Variants in SLC18B1 observed in about 807,000 individuals in gnomAD.
SLC18B1 encodes MFS-type transporter SLC18B1.
SLC18B1 carries 62 observed loss-of-function variants against 53.9 expected under a neutral mutation model. That is an observed-to-expected ratio of 1.15 (90% CI 0.94 to 1.42). The LOEUF (loss-of-function observed/expected upper bound fraction) is 1.42, where lower values mean the gene tolerates loss of function less well. SLC18B1 is among the 40% of genes most tolerant of loss of function. The probability of loss-of-function intolerance (pLI) is 0.00; values close to 1 mark genes in which losing one functional copy is unlikely to be tolerated. For missense variants in SLC18B1, 598 were observed against 547.3 expected (o/e 1.09, Z -0.93); for synonymous variants, 217 against 200.9 (o/e 1.08, Z -0.68).
intron 2 of SLC18B1, among the ~76,000 whole-genome samples, chr6:132,792,538 G>A (rs1033243923): frequency 4.6e-5 from 7 of 152,004 alleles, no homozygotes; most frequent in African/African-American, 1.5e-4. Flanking sequence ...CCCTCATTAT[G>A]AGCCAGAATC....
At chr6:132,791,859 G>A (rs976905676) in intron 2 of SLC18B1, among the ~76,000 whole-genome samples, 1 of 152,092 alleles carries the variant, frequency 6.6e-6, no homozygotes, top group African/African-American at 2.4e-5. Context: ...TGGAACATGA[G>A]GTCTACATTT....
intron 9 of SLC18B1, among the ~76,000 whole-genome samples, chr6:132,773,749 T>C (rs1781035965): frequency 6.6e-6 from 1 of 152,132 alleles, no homozygotes. Flanking sequence ...TGAAAAGGTC[T>C]AAGAAGTTCA....
chr6:132,797,022 A>C lies in SLC18B1; in HGVS notation c.143T>G (p.Met48Arg), dbSNP rs1043014999. ...CGGTCCAAGTATAGAATAGCACATC[A>C]TGGAACCTAAGTTCACCGAAGCTGC... ...ISAASVNLGSMMCYSILGPFF... is the reference protein window; with the variant it reads ...ISAASVNLGSRMCYSILGPFF... The change falls in exon 2 of 14, where the codon ATG becomes AGG. Residue 48 changes from methionine to arginine, a missense_variant. Met to Arg is a moderately conservative substitution (Grantham distance 91). Transcript: ENST00000275227. 14 of 1,614,110 alleles carry C rather than the reference A, an allele frequency of 8.7e-6. No individual in the cohort carries two copies. The highest frequency in any genetic ancestry group is 1.2e-5 in the Non-Finnish European group (14 of 1,180,038).
chr6:132,772,210 CAAA>C lies in SLC18B1; in HGVS notation c.1086-7_1086-5del. On this transcript the variant is annotated splice_polypyrimidine_tract_variant and splice_region_variant and intron_variant, in intron 10 of 13. Transcript: ENST00000275227. ...TCCCTCTTCAAACCCATTTTCACTG[CAAA>C]AAGAGACATGAGTGTATCCATTATT... 6.5e-7 allele frequency: 1 copy of C among 1,548,554 alleles called. No homozygotes were observed. Among genetic ancestry groups the C allele is most frequent in the South Asian group, 1.3e-5 (1 of 79,434 alleles).
intron 2 of SLC18B1, among the ~76,000 whole-genome samples, chr6:132,792,530 C>G (rs1781577537): frequency 6.6e-6 from 1 of 151,936 alleles, no homozygotes; most frequent in Admixed American, 6.6e-5. Flanking sequence ...TTATTAGACC[C>G]TCATTATGAG....
intron 7 of SLC18B1, among the ~76,000 whole-genome samples, chr6:132,777,859 G>A (rs1206846452): frequency 6.6e-6 from 1 of 152,202 alleles, no homozygotes; most frequent in Non-Finnish European, 1.5e-5. Context: ...TGATCTAAAT[G>A]GACTGTGTCA....
At position 132,776,419 on chromosome 6, in the gene SLC18B1, G is replaced by T; in HGVS notation, c.806C>A (p.Pro269Gln). Residue 269 changes from proline (P) to glutamine (Q), a missense_variant, in exon 8 of 14, where the codon CCA becomes CAA. Transcript: ENST00000275227. Reference protein sequence around the residue: ...SLFVLEKFNLPAGYVGLVFLG... With the variant: ...SLFVLEKFNLQAGYVGLVFLG... ...GAATACTAGTCCCACATATCCAGCTGGTAAATTGAACTGTAAAAGAAATCC... is the reference window on the plus strand; with the variant it reads ...GAATACTAGTCCCACATATCCAGCTTGTAAATTGAACTGTAAAAGAAATCC... 1 of 1,611,544 alleles carries T rather than the reference G, an allele frequency of 6.2e-7. No homozygotes were observed. Among genetic ancestry groups the T allele is most frequent in the Non-Finnish European group, 8.5e-7 (1 of 1,178,684 alleles).
At position 132,770,299 on chromosome 6, in the gene SLC18B1, G is replaced by A. The variant is rs147790535; in HGVS notation, c.1342C>T (p.Arg448Ter). The A allele has an allele frequency of 1.1e-5, 18 of 1,613,748 alleles. No homozygotes were observed. The highest frequency in any genetic ancestry group is 9.9e-5 in the South Asian group (9 of 91,080). The change falls in exon 14 of 14, where the codon CGA becomes TGA. Residue 448 changes from arginine to a stop codon, truncating the protein, a stop_gained. Coordinates refer to ENST00000275227, the MANE Select transcript of SLC18B1 (RefSeq NM_052831.3). LOFTEE classifies it high-confidence loss of function. The part of the protein sequence containing the change: ...SQNILSTEEE[R>*]TTLLPNET The stretch of plus-strand genomic sequence containing the variant: ...GTTTCATTAGGCAAGAGAGTAGTTC[G>A]TTCCTCCTCTGTGCTGAGGATGTTT...
Position 132,787,440 on chromosome 6 carries a change from C to G in SLC18B1, c.495G>C (p.Thr165=). 1 of 1,593,468 alleles carries G rather than the reference C, an allele frequency of 6.3e-7. No homozygotes were observed. Among genetic ancestry groups the G allele is most frequent in the Non-Finnish European group, 8.5e-7 (1 of 1,173,348 alleles). The part of the protein sequence containing the change: ...LAKAFPNNVA[T]VLGSLETFSG... ...ATACTTCTAAAATACATACCAATACCGTAGCCACGTTATTTGGAAAAGCCT... is the reference window on the plus strand; with the variant it reads ...ATACTTCTAAAATACATACCAATACGGTAGCCACGTTATTTGGAAAAGCCT... The change falls in exon 5 of 14, where the codon ACG becomes ACC. Residue 165 remains threonine (T), a synonymous_variant. Transcript: ENST00000275227.
Position 132,771,135 on chromosome 6 carries a change from A to C in SLC18B1, c.1161-6T>G. ...GCGTTGGTCCCATAAAAGCACTAACAATAGAAAGAAGAAAAAGTATTCAAT... is the reference window on the plus strand; with the variant it reads ...GCGTTGGTCCCATAAAAGCACTAACCATAGAAAGAAGAAAAAGTATTCAAT... On this transcript the variant is annotated splice_polypyrimidine_tract_variant and splice_region_variant and intron_variant, in intron 11 of 13. Coordinates refer to ENST00000275227, the MANE Select transcript of SLC18B1 (RefSeq NM_052831.3). 1.2e-6 allele frequency: 2 copies of C among 1,611,694 alleles called. No homozygotes were observed. Among genetic ancestry groups the C allele is most frequent in the South Asian group, 2.2e-5 (2 of 90,366 alleles).
rs909674845 is a variant in SLC18B1 at position 132,770,134 on chromosome 6, C to T, written c.*136G>A. On this transcript the variant is annotated 3_prime_UTR_variant, in exon 14 of 14. Transcript: ENST00000275227. ...AGCCCAATACAGGATCATCCAAAAA[C>T]ACGTTGACACTTCCAAGACACTGGC... is the stretch of plus-strand genomic sequence containing the variant. The T allele has an allele frequency of 6.8e-5, 46 of 679,080 alleles. No homozygotes were observed. Among genetic ancestry groups the T allele is most frequent in the Non-Finnish European group, 3.6e-5 (14 of 385,640 alleles). 42.1% of individuals were successfully genotyped at this position (679,080 alleles called of 1,614,324 possible). A position where few individuals can be genotyped will look rare whatever the true frequency, so the allele number is the denominator to read the frequency against.
At position 132,778,109 on chromosome 6, in the gene SLC18B1, G is replaced by T. The variant is rs576223024; in HGVS notation, c.795+1159C>A. Among the ~76,000 whole-genome samples the T allele has an allele frequency of 1.0e-3, 158 of 152,216 alleles. 1 individual carries two copies. The highest frequency in any genetic ancestry group is 3.7e-3 in the African/African-American group (153 of 41,488). On this transcript the variant is annotated intron_variant, in intron 7 of 13. Transcript: ENST00000275227. The stretch of plus-strand genomic sequence containing the variant: ...CGGGCAGGGGCGAGGGACACAAGGT[G>T]CAGGGTGGGGAATATCATAAGACTC...
At chr6:132,773,341 C>T (rs1272960529) in intron 9 of SLC18B1, among the ~76,000 whole-genome samples, 1 of 152,126 alleles carries the variant, frequency 6.6e-6, no homozygotes, top group East Asian at 1.9e-4. Flanking sequence ...TTTGGTTACA[C>T]ATATCACATA....
chr6:132,774,147 C>G, intron 9 of SLC18B1, 75 bp downstream of exon 9: 1 of 1,008,842 alleles, frequency 9.9e-7, no homozygotes, highest in South Asian at 1.7e-5. Context: ...TAAACTATAC[C>G]AATGTTAAAA....
intron 6 of SLC18B1, among the ~76,000 whole-genome samples, chr6:132,780,554 C>G (rs938441363): frequency 7.4e-5 from 11 of 148,374 alleles, no homozygotes; most frequent in African/African-American, 2.7e-4. Flanking sequence ...AAAAGTTAAA[C>G]CGTGGTGTTA....
chr6:132,788,839 A>AC (rs1445334905), intron 4 of SLC18B1, among the ~76,000 whole-genome samples: 2 of 150,898 alleles, frequency 1.3e-5, no homozygotes, highest in African/African-American at 4.9e-5. Context: ...AAAAAAAAAA[A>AC]AAAAAACATG....
intron 10 of SLC18B1, among the ~76,000 whole-genome samples, chr6:132,772,702 C>T (rs1050371963): frequency 9.2e-5 from 14 of 152,246 alleles, no homozygotes; most frequent in African/African-American, 3.4e-4. Flanking sequence ...GAAAGAGGAA[C>T]AATGCTGAGA....
intron 2 of SLC18B1, among the ~76,000 whole-genome samples, chr6:132,793,353 C>A (rs1781596867): frequency 6.6e-6 from 1 of 152,218 alleles, no homozygotes; most frequent in Non-Finnish European, 1.5e-5. Flanking sequence ...AATGAAAAAT[C>A]AAAGCCTTCT....
At chr6:132,796,943 CA>C (rs753272549) in intron 2 of SLC18B1, 38 bp downstream of exon 2, 18 of 1,554,280 alleles carry the variant, frequency 1.2e-5, no homozygotes, top group African/African-American at 1.1e-4. Flanking sequence ...AACAAACAAA[CA>C]AAAAAACAGA....
Sources: gnomAD v4.1 joint callset for allele counts (sites outside exome capture counted in the v4.1 genomes callset) on GRCh38, gnomAD v4.1.1 for gene constraint, MANE v1.5 for transcripts, NCBI Gene and HGNC (gene_info 2026-07-23, HGNC 2026-07-21) for gene names.